Variants in MTRR observed in about 807,000 individuals in gnomAD.
The protein encoded by MTRR is 5-methyltetrahydrofolate-homocysteine methyltransferase reductase.
MTRR carries 63 observed loss-of-function variants against 79.2 expected under a neutral mutation model. The observed-to-expected ratio is 0.80, with a 90% CI of 0.65 to 0.98. MTRR has a LOEUF of 0.98. Ranked by LOEUF, MTRR falls within the 50% of genes least tolerant of loss-of-function variation. The pLI, the probability that MTRR is intolerant of heterozygous loss-of-function variation, is 0.00. For synonymous variants in MTRR, 355 were observed against 313.3 expected (o/e 1.13, Z -1.41); for missense variants, 895 against 839.6 (o/e 1.07, Z -0.82).
upstream of MTRR, chr5:7,850,880 C>T: frequency 1.5e-6 from 2 of 1,327,596 alleles, no homozygotes; most frequent in Non-Finnish European, 1.9e-6. Context: ...CTCACCCGCG[C>T]CGGGCGGTAG....
At chr5:7,858,815 C>T (rs1457472527) in intron 1 of MTRR, among the ~76,000 whole-genome samples, 1 of 151,976 alleles carries the variant, frequency 6.6e-6, no homozygotes, top group Non-Finnish European at 1.5e-5. Context: ...CTGCAATGAA[C>T]TAATGACAAT....
chr5:7,876,869 A>G (rs1486336501), intron 4 of MTRR, among the ~76,000 whole-genome samples: 1 of 152,204 alleles, frequency 6.6e-6, no homozygotes, highest in Non-Finnish European at 1.5e-5. Flanking sequence ...AGTGAACGTT[A>G]GTTCTCCTCC....
Position 7,894,277 on chromosome 5 carries a change from A to G in MTRR, c.1557+1364A>G, listed in dbSNP as rs569306347. Reference sequence around the variant, plus strand: ...CAGAATGTTGACTTTTGCAAGACCTATCACCCACCCTGCCCTACTATGGCG... The same window carrying G: ...CAGAATGTTGACTTTTGCAAGACCTGTCACCCACCCTGCCCTACTATGGCG... On this transcript the variant is annotated intron_variant, in intron 11 of 14. Transcript: ENST00000440940. Among the ~76,000 whole-genome samples the G allele has an allele frequency of 1.2e-4, 18 of 152,340 alleles. No individual in the cohort carries two copies. The East Asian group carries it at 3.1e-3, about 26-fold the overall frequency.
chr5:7,864,265 T>C (rs1746771835), upstream of MTRR, among the ~76,000 whole-genome samples: 1 of 152,050 alleles, frequency 6.6e-6, no homozygotes, highest in Non-Finnish European at 1.5e-5. Flanking sequence ...CAAAACAACA[T>C]GAACATAATA....
chr5:7,887,560 A>G (rs1358981164), intron 8 of MTRR, among the ~76,000 whole-genome samples: 2 of 147,722 alleles, frequency 1.4e-5, no homozygotes, highest in African/African-American at 4.9e-5. Flanking sequence ...TTATATATAT[A>G]TAGATTTATA....
In MTRR at chr5:7,896,936, G is replaced by A. The variant is rs1261248965; in HGVS notation, c.1749G>A (p.Lys583=). The change falls in exon 13 of 15, where the codon AAG becomes AAA. Residue 583 remains lysine, a synonymous_variant. Coordinates refer to ENST00000440940, the MANE Select transcript of MTRR (RefSeq NM_002454.3). The part of the protein sequence containing the change: ...AMWLFFGCRH[K]DRDYLFRKEL... The stretch of plus-strand genomic sequence containing the variant: ...GGTTGTTTTTTGGCTGCAGGCATAA[G>A]GATAGGGATTATCTATTCAGGTATT... 2 of 1,614,056 alleles carry A rather than the reference G, an allele frequency of 1.2e-6. No individual in the cohort carries two copies. Among genetic ancestry groups the A allele is most frequent in the South Asian group, 2.2e-5 (2 of 91,082 alleles).
In MTRR at chr5:7,885,296, A is replaced by AT. The variant is rs140784653; in HGVS notation, c.904-404dup. 4.4e-3 allele frequency: 863 copies of AT among 194,944 alleles called. 9 individuals carry two copies. Among genetic ancestry groups the AT allele is most frequent in the African/African-American group, 0.02 (830 of 41,850 alleles). 12.1% of individuals were successfully genotyped at this position (194,944 alleles called of 1,614,324 possible). ...AAATTGAAAACCAATGCATTTGACCATAATTAGTTTCTTTTGGTCATAATG... is the reference window on the plus strand; with the variant it reads ...AAATTGAAAACCAATGCATTTGACCATTAATTAGTTTCTTTTGGTCATAATG... On this transcript the variant is annotated intron_variant, in intron 6 of 14. Coordinates refer to ENST00000440940, the MANE Select transcript of MTRR (RefSeq NM_002454.3).
At chr5:7,869,339 G>T (rs1747439706) in intron 1 of MTRR, 124 bp downstream of exon 1, 8 of 1,141,164 alleles carry the variant, frequency 7.0e-6, no homozygotes, top group Non-Finnish European at 1.0e-5. Context: ...ACGCCCTTCG[G>T]CCTCCGGGGG....
chr5:7,873,589 A>G, intron 3 of MTRR, 63 bp downstream of exon 3: 1 of 1,573,678 alleles, frequency 6.4e-7, no homozygotes, highest in Non-Finnish European at 8.7e-7. Flanking sequence ...TATCTGAATT[A>G]TCTTTCAGAA....
At chr5:7,879,404 A>C (rs1735161194) in intron 5 of MTRR, among the ~76,000 whole-genome samples, 1 of 143,628 alleles carries the variant, frequency 7.0e-6, no homozygotes, top group African/African-American at 2.6e-5. Flanking sequence ...CGGAGGTTGC[A>C]GTGAGCCAAG....
chr5:7,866,102 A>C (rs1362920660), upstream of MTRR: 3 of 723,546 alleles, frequency 4.1e-6, no homozygotes, highest in Non-Finnish European at 7.1e-6. Context: ...TTTTTAAATG[A>C]CACTATGAAA....
rs765276021 is a variant in MTRR, at chr5:7,886,642, C to T, written c.1085C>T (p.Ala362Val). The T allele has an allele frequency of 7.4e-6, 12 of 1,613,860 alleles. No individual in the cohort carries two copies. The highest frequency in any genetic ancestry group is 2.2e-5 in the South Asian group (2 of 91,082). ...GCTACCTTACCCCAGCATATACCTG[C>T]GGGATGTTCTCTCCAGTTCATTTTT... ...KGATLPQHIPAGCSLQFIFTW... is the reference protein window; with the variant it reads ...KGATLPQHIPVGCSLQFIFTW... Residue 362 changes from alanine to valine, a missense_variant, in exon 8 of 15, where the codon GCG becomes GTG. Physicochemically the swap from Ala to Val is moderately conservative, Grantham distance 64. Transcript: ENST00000440940.
intron 4 of MTRR, among the ~76,000 whole-genome samples, chr5:7,875,683 A>G (rs1734424114): frequency 6.6e-6 from 1 of 152,168 alleles, no homozygotes; most frequent in African/African-American, 2.4e-5. Flanking sequence ...TTCTTTAGGA[A>G]CTTTAATCGT....
At chr5:7,851,132 C>T, upstream of MTRR, 1 of 1,199,350 alleles carries the variant, frequency 8.3e-7, no homozygotes, top group Admixed American at 4.2e-5. Context: ...TAGCCCGCGT[C>T]TGTGTTCGGT....
chr5:7,874,345 G>A (rs2126668801), intron 3 of MTRR, among the ~76,000 whole-genome samples: 1 of 152,164 alleles, frequency 6.6e-6, no homozygotes, highest in Non-Finnish European at 1.5e-5. Flanking sequence ...GCAATGATCT[G>A]TCATATATAA....
At position 7,901,089 on chromosome 5, in the gene MTRR, A is replaced by T. The variant is rs948883583; in HGVS notation, c.*1031A>T. On this transcript the variant is annotated 3_prime_UTR_variant, in exon 15 of 15. Coordinates refer to ENST00000440940, the MANE Select transcript of MTRR (RefSeq NM_002454.3). ...GTTGAAGGCTTTTGATCCTTTTGAG[A>T]AATAAAGATCTGAAAGAAATGGCAT... The T allele has an allele frequency of 6.6e-6, 1 of 152,162 alleles. No individual in the cohort carries two copies. The highest frequency in any genetic ancestry group is 2.4e-5 in the African/African-American group (1 of 41,426). The allele number at this position is 152,162 out of a possible 1,614,324, so 9.4% of individuals were successfully genotyped here.
At chr5:7,873,654 G>T (rs1171684118) in intron 3 of MTRR, 128 bp downstream of exon 3, 1 of 1,064,518 alleles carries the variant, frequency 9.4e-7, no homozygotes, top group African/African-American at 1.6e-5. Context: ...TTATGTATAT[G>T]TATATATAAA....
At chr5:7,877,881 G>A (rs957503900) in intron 4 of MTRR, 63 bp from the exon 5 acceptor site, 1 of 1,597,614 alleles carries the variant, frequency 6.3e-7, no homozygotes, top group East Asian at 2.2e-5. Flanking sequence ...TCATTATCCT[G>A]TTCTGTGTTC....
At position 7,883,400 on chromosome 5, in the gene MTRR, C is replaced by T. The variant is rs545693502; in HGVS notation, c.903+123C>T. The T allele has an allele frequency of 1.3e-5, 17 of 1,264,446 alleles. 1 individual carries two copies. The highest frequency in any genetic ancestry group is 2.7e-5 in the East Asian group (1 of 36,600). 78.3% of individuals were successfully genotyped at this position (1,264,446 alleles called of 1,614,324 possible). ...TTGGTTACATATGCTGAGTTGTGTG[C>T]GGCTTGGTTACATGTGCTGAGTTGT... On this transcript the variant is annotated intron_variant, in intron 6 of 14. Transcript: ENST00000440940.
Sources: gnomAD v4.1 joint callset for allele counts (sites outside exome capture counted in the v4.1 genomes callset) on GRCh38, gnomAD v4.1.1 for gene constraint, MANE v1.5 for transcripts, NCBI Gene and HGNC (gene_info 2026-07-23, HGNC 2026-07-21) for gene names.